Variants in ATG7 observed in about 807,000 individuals in gnomAD.
The protein encoded by ATG7 is autophagy related 7.
In ATG7, 70 loss-of-function variants were observed where a neutral mutation model predicts 82.4. The ratio of observed to expected loss-of-function variants is 0.85; its 90% CI spans 0.70 to 1.04. The LOEUF is 1.04. Among genes scored for constraint, ATG7 ranks in the 50% least tolerant of loss-of-function variants. The pLI is 0.00. For missense variants in ATG7, 792 were observed against 864.3 expected (o/e 0.92, Z 1.05); for synonymous variants, 287 against 313.0 (o/e 0.92, Z 0.88).
At chr3:11,406,927 T>C (rs796168330) in intron 19 of ATG7, among the ~76,000 whole-genome samples, 17 of 152,242 alleles carry the variant, frequency 1.1e-4, no homozygotes, top group African/African-American at 4.1e-4. Context: ...CCAAACCATA[T>C]CATTCTGGCC....
At chr3:11,548,266 T>C (rs2071454336) in intron 20 of ATG7, among the ~76,000 whole-genome samples, 1 of 152,212 alleles carries the variant, frequency 6.6e-6, no homozygotes, top group Non-Finnish European at 1.5e-5. Flanking sequence ...CTCAAACTCC[T>C]GTCTTTATAT....
chr3:11,352,480 T>C (rs1277544762), intron 14 of ATG7, among the ~76,000 whole-genome samples: 14 of 152,192 alleles, frequency 9.2e-5, no homozygotes. Flanking sequence ...AGTGTAAAAG[T>C]GTTCCTATTT....
rs188567373 is a variant in ATG7 at position 11,344,140 on chromosome 3, A to G, written c.1125+1861A>G. 1.2e-4 allele frequency among the ~76,000 whole-genome samples: 18 copies of G among 152,236 alleles called. No homozygotes were observed. In the East Asian group the frequency reaches 3.3e-3, roughly 28 times the overall value. ...ATGTAGGAAAAATAGTGAATTTTGC[A>G]TATTTGTCTTTGGCCATCTTTCTAA... On this transcript the variant is annotated intron_variant, in intron 13 of 20. Transcript: ENST00000693202.
At chr3:11,392,950 A>G (rs2078937943) in intron 19 of ATG7, among the ~76,000 whole-genome samples, 1 of 152,200 alleles carries the variant, frequency 6.6e-6, no homozygotes. Context: ...GTCATTCAGC[A>G]TGTTCCTGTG....
the ATG7 span, among the ~76,000 whole-genome samples, chr3:11,575,073 C>T: frequency 1.3e-5 from 2 of 152,166 alleles, no homozygotes; most frequent in African/African-American, 4.8e-5. Context: ...ACCCCCCATT[C>T]CCACTTTACA....
intron 1 of ATG7, among the ~76,000 whole-genome samples, chr3:11,275,423 A>T (rs576661740): frequency 6.9e-6 from 1 of 144,028 alleles, no homozygotes; most frequent in Non-Finnish European, 1.5e-5. Context: ...ATCTCGGCTC[A>T]CTGCAAGCTC....
intron 20 of ATG7, among the ~76,000 whole-genome samples, chr3:11,489,373 C>T (rs2090118902): frequency 6.6e-6 from 1 of 151,944 alleles, no homozygotes; most frequent in African/African-American, 2.4e-5. Flanking sequence ...TCTCTCTTTT[C>T]TTCTTTATTA....
intron 20 of ATG7, among the ~76,000 whole-genome samples, chr3:11,549,085 G>A (rs2071544841): frequency 6.6e-6 from 1 of 151,784 alleles, no homozygotes; most frequent in African/African-American, 2.4e-5. Flanking sequence ...TCAATCAGCT[G>A]TATTGTGTGA....
intron 9 of ATG7, among the ~76,000 whole-genome samples, chr3:11,326,827 T>G (rs1310302113): frequency 2.0e-5 from 3 of 152,228 alleles, no homozygotes; most frequent in Admixed American, 2.0e-4. Context: ...AATCTTGTTC[T>G]CAGAGTTCTC....
intron 20 of ATG7, among the ~76,000 whole-genome samples, chr3:11,513,929 T>C (rs2092175097): frequency 6.6e-6 from 1 of 152,238 alleles, no homozygotes; most frequent in Admixed American, 6.5e-5. Flanking sequence ...CATCTTGCTG[T>C]GTCACCACTA....
chr3:11,305,802 C>G (rs567325354), intron 5 of ATG7, among the ~76,000 whole-genome samples: 1 of 152,168 alleles, frequency 6.6e-6, no homozygotes, highest in Non-Finnish European at 1.5e-5. Context: ...TCATTGCACC[C>G]CTTCATACCT....
rs2072344003 is a variant in ATG7 at position 11,555,755 on chromosome 3, G to A, written c.*912G>A. 6.6e-6 allele frequency: 1 copy of A among 152,338 alleles called. No individual in the cohort carries two copies. The highest frequency in any genetic ancestry group is 1.5e-5 in the Non-Finnish European group (1 of 68,088). 9.4% of individuals were successfully genotyped at this position (152,338 alleles called of 1,614,324 possible). On this transcript the variant is annotated 3_prime_UTR_variant, in exon 21 of 21. Coordinates refer to ENST00000693202, the MANE Select transcript of ATG7 (RefSeq NM_001349232.2). ...TGTGCAGCTGTGAGGCCCCAACCCA[G>A]GAGAGGCCATGGCCTAGGTACCTGT... is the stretch of plus-strand genomic sequence containing the variant.
intron 1 of ATG7, among the ~76,000 whole-genome samples, chr3:11,273,501 C>G (rs975783235): frequency 2.0e-5 from 3 of 152,184 alleles, no homozygotes; most frequent in African/African-American, 7.2e-5. Context: ...TTGTCTTCCT[C>G]TTCTCACCTT....
chr3:11,574,783 A>ATGTGTGTGTGTGTGTGTG, the ATG7 span, among the ~76,000 whole-genome samples: 11 of 111,780 alleles, frequency 9.8e-5, no homozygotes, highest in South Asian at 1.0e-3. Context: ...ATTCAACTAT[A>ATGTGTGTGTGTGTGTGTG]TATGTGTGTG....
At chr3:11,404,193 T>C (rs2080112737) in intron 19 of ATG7, among the ~76,000 whole-genome samples, 1 of 135,942 alleles carries the variant, frequency 7.4e-6, no homozygotes, top group Admixed American at 8.4e-5. Context: ...AGTGCAGTGG[T>C]GCGATCTTCT....
chr3:11,447,756 T>C (rs182598693), intron 20 of ATG7, among the ~76,000 whole-genome samples: 77 of 152,240 alleles, frequency 5.1e-4, no homozygotes, highest in Non-Finnish European at 9.1e-4. Flanking sequence ...CAGGCCTGGG[T>C]CACATGCCAT....
intron 20 of ATG7, among the ~76,000 whole-genome samples, chr3:11,471,745 C>CTTTTTTTTTTTTTT (rs200590021): frequency 7.6e-5 from 8 of 105,690 alleles, no homozygotes; most frequent in Non-Finnish European, 1.1e-4. Context: ...TTTTAGATTT[C>CTTTTTTTTTTTTTT]TTTTTTTTTT....
intron 20 of ATG7, among the ~76,000 whole-genome samples, chr3:11,527,337 G>C: frequency 6.6e-6 from 1 of 152,072 alleles, no homozygotes; most frequent in Admixed American, 6.6e-5. Context: ...GACCTCAGGT[G>C]ATCCACTCAC....
At position 11,465,691 on chromosome 3, in the gene ATG7, G is replaced by A. The variant is rs193128486; in HGVS notation, c.2079+38765G>A. Among the ~76,000 whole-genome samples the A allele has an allele frequency of 1.2e-3, 180 of 152,152 alleles. 1 individual carries two copies. The highest frequency in any genetic ancestry group is 4.0e-3 in the African/African-American group (166 of 41,516). On this transcript the variant is annotated intron_variant, in intron 20 of 20. Coordinates refer to ENST00000693202, the MANE Select transcript of ATG7 (RefSeq NM_001349232.2). ...GAGGGGGAAGGATTGCTTGAACCCA[G>A]GAGGTCGTGGCTGCAGTGAGCAGTG...
Sources: allele counts gnomAD v4.1 joint callset (sites outside exome capture counted in the v4.1 genomes callset), GRCh38; gene constraint gnomAD v4.1.1; transcripts MANE v1.5; gene names NCBI Gene and HGNC (gene_info 2026-07-23, HGNC 2026-07-21).